The following ATF2 variants were observed in gnomAD, a reference collection of about 807,000 sequenced individuals.
ATF2 encodes the protein activating transcription factor 2.
In ATF2, 24 loss-of-function variants were observed where a neutral mutation model predicts 60.6. The observed-to-expected ratio is 0.40, with a 90% CI of 0.29 to 0.56. The LOEUF is 0.56. ATF2 is among the 20% of genes least tolerant of loss of function. The pLI, the probability that ATF2 is intolerant of heterozygous loss-of-function variation, is 0.54. For synonymous variants in ATF2, 206 were observed against 215.4 expected, an observed-to-expected ratio of 0.96 and a Z score of 0.38; for missense variants, 433 against 607.7, an observed-to-expected ratio of 0.71 and a Z score of 3.02.
At chr2:175,128,980 C>T (rs567844915) in intron 4 of ATF2, among the ~76,000 whole-genome samples, 2 of 152,210 alleles carry the variant, frequency 1.3e-5, no homozygotes, top group African/African-American at 4.8e-5. Context: ...CAGATAATCC[C>T]ATCATTATAC....
chr2:175,137,624 G>A (rs1347320970), intron 2 of ATF2, among the ~76,000 whole-genome samples: 3 of 152,172 alleles, frequency 2.0e-5, no homozygotes, highest in Non-Finnish European at 4.4e-5. Flanking sequence ...GTAGGAATAA[G>A]AGTTAAAATA....
At chr2:175,125,778 A>C (rs1190646200) in intron 4 of ATF2, among the ~76,000 whole-genome samples, 1 of 152,134 alleles carries the variant, frequency 6.6e-6, no homozygotes, top group African/African-American at 2.4e-5. Context: ...AATGTCATCC[A>C]AATACTAACA....
intron 2 of ATF2, 61 bp downstream of exon 2, chr2:175,150,998 AT>A (rs1489155788): frequency 6.6e-6 from 1 of 152,578 alleles, no homozygotes; most frequent in East Asian, 1.9e-4. Flanking sequence ...ATTCGGTAGT[AT>A]TTGAAAGATA....
chr2:175,096,718 T>C (rs1162475069), intron 11 of ATF2, among the ~76,000 whole-genome samples: 1 of 152,178 alleles, frequency 6.6e-6, no homozygotes, highest in Non-Finnish European at 1.5e-5. Context: ...AAATCAATAA[T>C]TTTTTAAGAA....
intron 12 of ATF2, among the ~76,000 whole-genome samples, chr2:175,088,292 T>C (rs1694303097): frequency 6.6e-6 from 1 of 152,166 alleles, no homozygotes; most frequent in African/African-American, 2.4e-5. Flanking sequence ...GATCATAGAA[T>C]TCAGAAATTA....
chr2:175,118,541 C>T (rs527479970), intron 5 of ATF2, among the ~76,000 whole-genome samples, 172 bp from the exon 6 acceptor site: 2 of 151,682 alleles, frequency 1.3e-5, no homozygotes, highest in African/African-American at 2.4e-5. Context: ...TGTTGTACTT[C>T]GTATTTCCTC....
intron 4 of ATF2, among the ~76,000 whole-genome samples, chr2:175,128,348 A>G (rs922588433): frequency 1.3e-5 from 2 of 152,150 alleles, no homozygotes; most frequent in Non-Finnish European, 2.9e-5. Context: ...TAAAAATACA[A>G]AATTAGCCAG....
intron 12 of ATF2, among the ~76,000 whole-genome samples, chr2:175,083,120 T>C (rs1334503729): frequency 6.6e-6 from 1 of 151,864 alleles, no homozygotes; most frequent in Non-Finnish European, 1.5e-5. Flanking sequence ...TACCAATGAC[T>C]TTCTTCACAG....
intron 10 of ATF2, among the ~76,000 whole-genome samples, chr2:175,108,201 G>A (rs1012796926): frequency 6.6e-6 from 1 of 151,872 alleles, no homozygotes; most frequent in Non-Finnish European, 1.5e-5. Context: ...GGGATGTGAG[G>A]AGCCCCGCCG....
intron 12 of ATF2, among the ~76,000 whole-genome samples, chr2:175,089,191 A>C (rs28660394): frequency 1.3e-4 from 20 of 152,194 alleles, no homozygotes; most frequent in Admixed American, 6.5e-5. Context: ...CAAAAAAAAA[A>C]ACAATAATTT....
chr2:175,074,475 G>C lies in ATF2; in HGVS notation c.*134C>G, dbSNP rs1297982617. On this transcript the variant is annotated 3_prime_UTR_variant, in exon 14 of 14. Coordinates refer to ENST00000264110, the MANE Select transcript of ATF2 (RefSeq NM_001880.4). Reference sequence around the variant, plus strand: ...ATCAACTGCTGCTACACCAACTTTAGAGCCAAATTTAATTTCAAGTAAAAA... The same window carrying C: ...ATCAACTGCTGCTACACCAACTTTACAGCCAAATTTAATTTCAAGTAAAAA... 4 of 1,165,562 alleles carry C rather than the reference G, an allele frequency of 3.4e-6. No individual in the cohort carries two copies. Among genetic ancestry groups the C allele is most frequent in the Non-Finnish European group, 4.7e-6 (4 of 850,542 alleles). 72.2% of individuals were successfully genotyped at this position (1,165,562 alleles called of 1,614,324 possible). A position where few individuals can be genotyped will look rare whatever the true frequency, so the allele number is the denominator to read the frequency against.
At chr2:175,091,957 T>G (rs1434989406) in intron 12 of ATF2, among the ~76,000 whole-genome samples, 1 of 152,230 alleles carries the variant, frequency 6.6e-6, no homozygotes, top group Non-Finnish European at 1.5e-5. Flanking sequence ...CTATGTGATG[T>G]GGTAAGTTGT....
At chr2:175,108,058 C>T (rs1422480135) in intron 10 of ATF2, among the ~76,000 whole-genome samples, 22 of 148,364 alleles carry the variant, frequency 1.5e-4, no homozygotes, top group East Asian at 2.1e-4. Context: ...CCCCTCTGCC[C>T]GGCTGCCCAG....
chr2:175,076,864 G>A (rs896839758), intron 13 of ATF2, among the ~76,000 whole-genome samples: 1 of 151,190 alleles, frequency 6.6e-6, no homozygotes, highest in Non-Finnish European at 1.5e-5. Context: ...AGTTACATAC[G>A]TATACATATG....
Position 175,115,029 on chromosome 2 carries a change from A to G in ATF2, c.448-161T>C, listed in dbSNP as rs1361742390. On this transcript the variant is annotated intron_variant, in intron 7 of 13. Transcript: ENST00000264110. ...TAAAAGAACATTTTAGAAGAGCTGT[A>G]AAGATTCAAATGCAATGTTCAATTA... is the stretch of plus-strand genomic sequence containing the variant. 3.3e-5 allele frequency among the ~76,000 whole-genome samples: 5 copies of G among 152,220 alleles called. No homozygotes were observed. In the East Asian group the frequency reaches 9.6e-4, roughly 29 times the overall value.
At chr2:175,105,202 G>A (rs1695573654) in intron 10 of ATF2, among the ~76,000 whole-genome samples, 1 of 151,980 alleles carries the variant, frequency 6.6e-6, no homozygotes, top group Non-Finnish European at 1.5e-5. Flanking sequence ...ACTTAGGAAA[G>A]CACTAGGTTT....
intron 11 of ATF2, among the ~76,000 whole-genome samples, chr2:175,094,431 A>G (rs1694777208): frequency 7.0e-6 from 1 of 142,832 alleles, no homozygotes; most frequent in East Asian, 2.1e-4. Flanking sequence ...AAAAAAAAAG[A>G]AAGAAGAAAA....
chr2:175,082,156 G>T (rs1055209393), intron 12 of ATF2, among the ~76,000 whole-genome samples: 1 of 152,080 alleles, frequency 6.6e-6, no homozygotes, highest in Non-Finnish European at 1.5e-5. Context: ...CAATCTAAAG[G>T]CAAGTCTATT....
chr2:175,137,873 A>T (rs1175395648), intron 2 of ATF2, among the ~76,000 whole-genome samples: 3 of 152,228 alleles, frequency 2.0e-5, no homozygotes, highest in Non-Finnish European at 4.4e-5. Context: ...AAATATTAAC[A>T]GTTCAAGCAC....
Sources: allele counts gnomAD v4.1 joint callset (sites outside exome capture counted in the v4.1 genomes callset), GRCh38; gene constraint gnomAD v4.1.1; transcripts MANE v1.5; gene names NCBI Gene and HGNC (gene_info 2026-07-23, HGNC 2026-07-21).